Variants in FBXL4 observed in about 807,000 individuals in gnomAD.
FBXL4 encodes the protein F-box and leucine rich repeat protein 4, also known as F-box/LRR-repeat protein 4.
A neutral mutation model predicts 58.9 loss-of-function variants in FBXL4; 40 were observed. That is an observed-to-expected ratio of 0.68 (90% CI 0.53 to 0.88). FBXL4 has a LOEUF of 0.88. Ranked by LOEUF, FBXL4 falls within the 40% of genes least tolerant of loss-of-function variation. FBXL4 has a pLI of 0.00. For synonymous variants in FBXL4, 263 were observed against 265.5 expected (o/e 0.99, Z 0.09); for missense variants, 676 against 734.4 (o/e 0.92, Z 0.92).
At chr6:98,916,385 C>G (rs1202996760) in intron 5 of FBXL4, among the ~76,000 whole-genome samples, 1 of 152,248 alleles carries the variant, frequency 6.6e-6, no homozygotes, top group East Asian at 1.9e-4. Context: ...TATTGAGGCA[C>G]TATTCACAAT....
At chr6:98,885,150 C>T (rs1339725202) in intron 7 of FBXL4, among the ~76,000 whole-genome samples, 2 of 152,178 alleles carry the variant, frequency 1.3e-5, no homozygotes. Context: ...TGTCCCCATG[C>T]TTGAGTGTAG....
chr6:98,875,654 C>T lies in FBXL4; in HGVS notation c.1463G>A (p.Arg488Lys). The T allele has an allele frequency of 1.2e-6, 2 of 1,614,142 alleles. No homozygotes were observed. The highest frequency in any genetic ancestry group is 2.2e-5 in the East Asian group (1 of 44,886). ...CKKLRTLDLW[R>K]CKNITENGIA... is the part of the protein sequence containing the mutation. ...TCCATTCTCAGTAATATTCTTACAT[C>T]TCCACAGATCCAGGGTCCGGAGTTT... Residue 488 changes from arginine to lysine, a missense_variant, in exon 9 of 10, where the codon AGA becomes AAA. Transcript: ENST00000369244.
At chr6:98,935,662 G>A (rs182124224) in intron 1 of FBXL4, among the ~76,000 whole-genome samples, 2,476 of 151,230 alleles carry the variant, frequency 0.016, 64 homozygotes, top group African/African-American at 0.057. Context: ...GGTGGCGGGC[G>A]CCTGTAGTCC....
At chr6:98,914,450 C>G (rs1232231901) in intron 5 of FBXL4, among the ~76,000 whole-genome samples, 8 of 152,168 alleles carry the variant, frequency 5.3e-5, no homozygotes, top group Non-Finnish European at 7.4e-5. Context: ...TCCAGCAGCA[C>G]ATCAAAAAGC....
Position 98,920,296 on chromosome 6 carries a change from G to C in FBXL4, c.513-2577C>G, listed in dbSNP as rs148789607. The stretch of plus-strand genomic sequence containing the variant: ...TACACTGACTTCCTTAACATTTCTA[G>C]CATGTTTAAACATATTAGGATTAAT... On this transcript the variant is annotated intron_variant, in intron 4 of 9. Coordinates refer to ENST00000369244, the MANE Select transcript of FBXL4 (RefSeq NM_001278716.2). Among the ~76,000 whole-genome samples the C allele has an allele frequency of 4.4e-3, 669 of 152,136 alleles. 6 individuals carry two copies. The highest frequency in any genetic ancestry group is 0.015 in the African/African-American group (642 of 41,514).
At chr6:98,899,005 G>A (rs1001060432) in intron 7 of FBXL4, 9 of 985,042 alleles carry the variant, frequency 9.1e-6, no homozygotes, top group East Asian at 1.1e-4. Context: ...CTCAACCAAC[G>A]CTTATTTTTT....
chr6:98,938,666 C>A (rs1773313824), intron 1 of FBXL4, among the ~76,000 whole-genome samples: 1 of 152,160 alleles, frequency 6.6e-6, no homozygotes, highest in South Asian at 2.1e-4. Flanking sequence ...TACATTTGCA[C>A]AAAACACCAG....
intron 1 of FBXL4, among the ~76,000 whole-genome samples, chr6:98,939,394 T>G (rs1336398995): frequency 2.0e-5 from 3 of 152,198 alleles, no homozygotes; most frequent in African/African-American, 7.2e-5. Flanking sequence ...CTTTAAGCTG[T>G]CATACATTAA....
chr6:98,898,816 T>C (rs1771499402), intron 7 of FBXL4: 14 of 985,346 alleles, frequency 1.4e-5, no homozygotes, highest in Non-Finnish European at 1.7e-5. Context: ...AGTAGACTAA[T>C]ATATATGACA....
intron 3 of FBXL4, 115 bp from the exon 4 acceptor site, chr6:98,927,175 A>C (rs1562246097): frequency 3.7e-6 from 2 of 533,674 alleles, no homozygotes; most frequent in Non-Finnish European, 6.4e-6. Context: ...GAAACTAAAA[A>C]AACAAGTTTT....
chr6:98,900,407 C>T (rs1771562505), intron 6 of FBXL4, among the ~76,000 whole-genome samples: 1 of 152,100 alleles, frequency 6.6e-6, no homozygotes, highest in Non-Finnish European at 1.5e-5. Flanking sequence ...AATGAGCTTA[C>T]AAATACACAT....
chr6:98,947,692 C>G (rs1005976924), intron 1 of FBXL4, 114 bp downstream of exon 1: 1 of 152,014 alleles, frequency 6.6e-6, no homozygotes, highest in East Asian at 2.0e-4. Context: ...CTCTGCCAGG[C>G]GTCCAGACTC....
chr6:98,926,038 ATTCAACTAACG>A (rs1343877631), intron 4 of FBXL4, among the ~76,000 whole-genome samples: 10 of 152,240 alleles, frequency 6.6e-5, no homozygotes, highest in African/African-American at 2.4e-4. Context: ...TTGCAAAAAC[ATTCAACTAACG>A]TTAAACCAAA....
At chr6:98,874,486 A>G (rs1215511496) in intron 9 of FBXL4, 45 bp from the exon 10 acceptor site, 5 of 1,550,108 alleles carry the variant, frequency 3.2e-6, no homozygotes, top group African/African-American at 1.4e-5. Context: ...CACCTTAAGT[A>G]TAACATTTAT....
At chr6:98,902,937 A>G (rs1771666155) in intron 6 of FBXL4, among the ~76,000 whole-genome samples, 1 of 152,176 alleles carries the variant, frequency 6.6e-6, no homozygotes, top group South Asian at 2.1e-4. Flanking sequence ...AGTTCTCTTT[A>G]TTCCAATGCA....
At position 98,869,346 on chromosome 6, in the gene FBXL4, C is replaced by T. The variant is rs888392276; in HGVS notation, c.*4932G>A. On this transcript the variant is annotated 3_prime_UTR_variant, in exon 10 of 10. Coordinates refer to ENST00000369244, the MANE Select transcript of FBXL4 (RefSeq NM_001278716.2). Reference sequence around the variant, plus strand: ...AAGCCAAACATTCACTATTAACATACATGGGGCCTGACACAGTGGCTTATG... The same window carrying T: ...AAGCCAAACATTCACTATTAACATATATGGGGCCTGACACAGTGGCTTATG... 6.6e-6 allele frequency: 1 copy of T among 152,166 alleles called. No individual in the cohort carries two copies. Among genetic ancestry groups the T allele is most frequent in the Non-Finnish European group, 1.5e-5 (1 of 68,024 alleles). 9.4% of individuals were successfully genotyped at this position (152,166 alleles called of 1,614,324 possible).
chr6:98,919,708 T>C (rs936227129), intron 4 of FBXL4, among the ~76,000 whole-genome samples: 1 of 152,192 alleles, frequency 6.6e-6, no homozygotes. Context: ...GCTAGCCATA[T>C]AGGTGCTAGG....
At chr6:98,897,024 C>A in intron 7 of FBXL4, 1 of 984,922 alleles carries the variant, frequency 1.0e-6, no homozygotes, top group Non-Finnish European at 1.2e-6. Flanking sequence ...TTTTCACAAG[C>A]CACAATAGAT....
At chr6:98,878,383 C>A (rs1006308014) in intron 8 of FBXL4, among the ~76,000 whole-genome samples, 2 of 152,060 alleles carry the variant, frequency 1.3e-5, no homozygotes, top group South Asian at 4.1e-4. Context: ...AACTCTAAGA[C>A]CAGGCTGGAG....
Sources: allele counts gnomAD v4.1 joint callset (sites outside exome capture counted in the v4.1 genomes callset), GRCh38; gene constraint gnomAD v4.1.1; transcripts MANE v1.5; gene names NCBI Gene and HGNC (gene_info 2026-07-23, HGNC 2026-07-21).